The following RGS7 variants were observed in gnomAD, a reference collection of about 807,000 sequenced individuals.
RGS7 encodes the protein regulator of G protein signaling 7, also known as regulator of G-protein signaling 7.
RGS7 carries 27 observed loss-of-function variants against 81.1 expected under a neutral mutation model. The ratio of observed to expected loss-of-function variants is 0.33; its 90% CI spans 0.25 to 0.46. The LOEUF (loss-of-function observed/expected upper bound fraction) is 0.46. Among genes scored for constraint, RGS7 ranks in the 20% least tolerant of loss-of-function variants. The probability of loss-of-function intolerance (pLI) is 1.00; values close to 1 mark genes in which losing one functional copy is unlikely to be tolerated. For synonymous variants in RGS7, 208 were observed against 207.7 expected, an observed-to-expected ratio of 1.00 and a Z score of -0.01; for missense variants, 396 against 607.4, an observed-to-expected ratio of 0.65 and a Z score of 3.66.
intron 14 of RGS7, among the ~76,000 whole-genome samples, chr1:240,809,947 G>T (rs1361747): frequency 0.46 from 69,877 of 151,960 alleles, 18,034 homozygotes; most frequent in Non-Finnish European, 0.58. Flanking sequence ...GTCTAGTACG[G>T]CATAGAATGA....
At chr1:241,076,097 C>G (rs1005100325) in intron 3 of RGS7, among the ~76,000 whole-genome samples, 3 of 152,184 alleles carry the variant, frequency 2.0e-5, no homozygotes, top group Non-Finnish European at 4.4e-5. Flanking sequence ...TAGGGCAGCC[C>G]TCCTGGAGGA....
At chr1:241,158,813 CAA>C (rs1332708889) in intron 2 of RGS7, among the ~76,000 whole-genome samples, 3 of 152,070 alleles carry the variant, frequency 2.0e-5, no homozygotes, top group Non-Finnish European at 4.4e-5. Flanking sequence ...TCAAAAATAT[CAA>C]AAGATTAGAA....
intron 2 of RGS7, among the ~76,000 whole-genome samples, chr1:241,351,136 C>T (rs368673645): frequency 7.9e-5 from 12 of 152,056 alleles, no homozygotes; most frequent in East Asian, 1.9e-4. Context: ...GGAGCAGTCA[C>T]GGCTGGGCAC....
chr1:241,145,119 C>T (rs139360676), intron 2 of RGS7, among the ~76,000 whole-genome samples: 370 of 151,814 alleles, frequency 2.4e-3, no homozygotes, highest in Middle Eastern at 0.01. Context: ...TCAGTTCAAG[C>T]GATTCTCCTG....
chr1:241,208,587 C>T (rs1227552017), intron 2 of RGS7, among the ~76,000 whole-genome samples: 1 of 152,064 alleles, frequency 6.6e-6, no homozygotes, highest in African/African-American at 2.4e-5. Flanking sequence ...TAGTTACCTC[C>T]GTCATGACAA....
chr1:241,331,976 T>A (rs2082002454), intron 2 of RGS7, among the ~76,000 whole-genome samples: 1 of 152,188 alleles, frequency 6.6e-6, no homozygotes, highest in Admixed American at 6.5e-5. Flanking sequence ...AAGAGAACAA[T>A]CGAGTTTCCA....
chr1:241,100,335 A>G (rs1241057702), intron 2 of RGS7, among the ~76,000 whole-genome samples: 1 of 145,682 alleles, frequency 6.9e-6, no homozygotes, highest in South Asian at 2.2e-4. Context: ...AGATGGCGCC[A>G]CTGCACTCCA....
intron 2 of RGS7, among the ~76,000 whole-genome samples, chr1:241,109,381 T>C (rs1416202612): frequency 3.9e-5 from 6 of 152,168 alleles, no homozygotes; most frequent in African/African-American, 1.4e-4. Context: ...CAGAATATGA[T>C]CATATTCTCT....
chr1:240,924,218 T>C (rs1348157752), intron 6 of RGS7, among the ~76,000 whole-genome samples: 8 of 152,224 alleles, frequency 5.3e-5, no homozygotes, highest in Admixed American at 1.3e-4. Flanking sequence ...ACTAGAATAC[T>C]TTCTTTTTGC....
chr1:240,783,431 G>A (rs1406291177), intron 18 of RGS7, among the ~76,000 whole-genome samples: 2 of 151,264 alleles, frequency 1.3e-5, no homozygotes, highest in East Asian at 2.0e-4. Flanking sequence ...AGACCAGCAC[G>A]GCCAACATGG....
chr1:241,204,234 A>G (rs1341240578), intron 2 of RGS7, among the ~76,000 whole-genome samples: 1 of 152,194 alleles, frequency 6.6e-6, no homozygotes. Context: ...CACAGTCAAC[A>G]CCCAAGGAGG....
intron 18 of RGS7, among the ~76,000 whole-genome samples, chr1:240,791,198 C>T (rs542186697): frequency 6.6e-6 from 1 of 152,272 alleles, no homozygotes; most frequent in South Asian, 2.1e-4. Context: ...TTAGTAATGG[C>T]TTCTGCTGGT....
chr1:241,093,715 T>G (rs2492989), intron 3 of RGS7, among the ~76,000 whole-genome samples: 3,887 of 152,304 alleles, frequency 0.026, 170 homozygotes, highest in African/African-American at 0.088. Flanking sequence ...TATCTGTGGT[T>G]TGCATTTGAA....
In RGS7 at chr1:240,908,926, G is replaced by T. The variant is rs1482464389; in HGVS notation, c.385+21791C>A. Among the ~76,000 whole-genome samples the T allele has an allele frequency of 2.6e-5, 4 of 152,296 alleles. No individual in the cohort carries two copies. In the East Asian group the frequency reaches 5.8e-4, roughly 22 times the overall value. ...CCTTCAGGTTGCAGGGAAACAACAT[G>T]CAAAAAGGTTATGCTAACATTTGGA... On this transcript the variant is annotated intron_variant, in intron 6 of 18. Transcript: ENST00000440928.
chr1:241,185,876 T>C (rs556921706), intron 2 of RGS7, among the ~76,000 whole-genome samples: 1 of 152,186 alleles, frequency 6.6e-6, no homozygotes, highest in Admixed American at 6.5e-5. Flanking sequence ...ATGCCTAAAT[T>C]TTTAAAAGAG....
intron 15 of RGS7, among the ~76,000 whole-genome samples, chr1:240,803,456 G>T (rs750447104): frequency 5.3e-5 from 8 of 151,970 alleles, no homozygotes; most frequent in Non-Finnish European, 1.0e-4. Flanking sequence ...TCATCTCTTT[G>T]GTACAAATTG....
intron 6 of RGS7, among the ~76,000 whole-genome samples, chr1:240,912,593 G>T (rs1332537087): frequency 6.6e-6 from 1 of 152,058 alleles, no homozygotes; most frequent in Non-Finnish European, 1.5e-5. Context: ...ACTTGTAAAG[G>T]CTTCAGAACT....
intron 2 of RGS7, among the ~76,000 whole-genome samples, chr1:241,117,802 C>G (rs570459915): frequency 3.1e-4 from 47 of 152,094 alleles, no homozygotes; most frequent in African/African-American, 1.1e-3. Flanking sequence ...GAGAAGCCAA[C>G]AGAGACATAA....
intron 9 of RGS7, among the ~76,000 whole-genome samples, chr1:240,853,774 A>G (rs1024137593): frequency 1.2e-4 from 18 of 151,544 alleles, no homozygotes; most frequent in Non-Finnish European, 2.2e-4. Context: ...TGGTGCGGGC[A>G]CCTGTAGTCC....
Sources: allele counts gnomAD v4.1 joint callset (sites outside exome capture counted in the v4.1 genomes callset), GRCh38; gene constraint gnomAD v4.1.1; transcripts MANE v1.5; gene names NCBI Gene and HGNC (gene_info 2026-07-23, HGNC 2026-07-21).